Variants in LVRN observed in about 807,000 individuals in gnomAD.
LVRN encodes laeverin, also known as aminopeptidase Q.
LVRN carries 99 observed loss-of-function variants against 111.4 expected under a neutral mutation model. The ratio of observed to expected loss-of-function variants is 0.89; its 90% confidence interval spans 0.76 to 1.05. The LOEUF (loss-of-function observed/expected upper bound fraction) is 1.05. Among genes scored for constraint, LVRN ranks in the 50% least tolerant of loss-of-function variants. LVRN has a pLI of 0.00. For missense variants in LVRN, 1,414 were observed against 1,206.8 expected, an observed-to-expected ratio of 1.17 and a Z score of -2.54; for synonymous variants, 488 against 449.5, an observed-to-expected ratio of 1.09 and a Z score of -1.08.
Position 116,015,405 on chromosome 5 carries a change from A to C in LVRN, c.2604A>C (p.Pro868=), listed in dbSNP as rs944104516. 2.5e-6 allele frequency: 4 copies of C among 1,597,020 alleles called. No individual in the cohort carries two copies. The African/African-American group carries it at 5.4e-5, about 22-fold the overall frequency. ...ATGCAATGAGCTGCAGCAAAGACCC[A>C]TGGATACTTAACAGGTGATTATGGT... ...LAYAMSCSKD[P]WILNRYMEYA... The change falls in exon 17 of 20, where the codon CCA becomes CCC. Residue 868 remains proline, a synonymous_variant. Transcript: ENST00000357872.
intron 6 of LVRN, among the ~76,000 whole-genome samples, chr5:115,997,019 A>G (rs948832802): frequency 6.6e-6 from 1 of 152,204 alleles, no homozygotes; most frequent in Non-Finnish European, 1.5e-5. Flanking sequence ...TATCTCATTC[A>G]ATCCTCAGGG....
intron 13 of LVRN, among the ~76,000 whole-genome samples, chr5:116,006,344 T>C (rs1748373916): frequency 6.6e-6 from 1 of 152,192 alleles, no homozygotes; most frequent in Non-Finnish European, 1.5e-5. Context: ...TTTCAGGCAA[T>C]AAAATTAAGG....
intron 1 of LVRN, among the ~76,000 whole-genome samples, chr5:115,964,837 G>C (rs1189437759): frequency 6.6e-6 from 1 of 152,200 alleles, no homozygotes; most frequent in Non-Finnish European, 1.5e-5. Flanking sequence ...CATAAACCAA[G>C]GTAGAGCTCC....
chr5:116,017,368 T>G (rs1748623995), intron 18 of LVRN, among the ~76,000 whole-genome samples: 1 of 152,224 alleles, frequency 6.6e-6, no homozygotes, highest in Non-Finnish European at 1.5e-5. Flanking sequence ...ACTGGTGTCG[T>G]ATGTGAAGCA....
intron 18 of LVRN, among the ~76,000 whole-genome samples, chr5:116,019,291 A>G (rs1748664821): frequency 2.0e-5 from 3 of 152,258 alleles, no homozygotes; most frequent in Admixed American, 2.0e-4. Flanking sequence ...GCTAGGGGAT[A>G]GGAATTTTGT....
chr5:116,023,809 C>G (rs1367142424), intron 19 of LVRN, among the ~76,000 whole-genome samples: 2 of 152,142 alleles, frequency 1.3e-5, no homozygotes, highest in Non-Finnish European at 2.9e-5. Context: ...AACTGGAACT[C>G]TTTTATCCTA....
At chr5:115,997,382 T>G (rs1218069220) in intron 6 of LVRN, among the ~76,000 whole-genome samples, 1 of 152,180 alleles carries the variant, frequency 6.6e-6, no homozygotes, top group Non-Finnish European at 1.5e-5. Flanking sequence ...GTAGATTTTA[T>G]GCTATGTGTG....
intron 1 of LVRN, among the ~76,000 whole-genome samples, chr5:115,978,963 A>T (rs1251464735): frequency 6.6e-6 from 1 of 151,842 alleles, no homozygotes; most frequent in Non-Finnish European, 1.5e-5. Flanking sequence ...CTTTTTTTCT[A>T]CAATTTCCTT....
At position 116,014,466 on chromosome 5, in the gene LVRN, G is replaced by C; in HGVS notation, c.2389G>C (p.Glu797Gln). Residue 797 changes from glutamate (E) to glutamine (Q), a missense_variant, in exon 16 of 20, where the codon GAA becomes CAA. Coordinates refer to ENST00000357872, the MANE Select transcript of LVRN (RefSeq NM_173800.5). ...TGTAACTGCGTGTTGGTTGGGCCTT[G>C]AAGACTGCCTTCAGCTGTCAAAAGA... ...LFVTACWLGL[E>Q]DCLQLSKELF... is the part of the protein sequence containing the mutation. 1 of 1,613,582 alleles carries C rather than the reference G, an allele frequency of 6.2e-7. No individual in the cohort carries two copies. Among genetic ancestry groups the C allele is most frequent in the African/African-American group, 1.3e-5 (1 of 74,984 alleles).
At chr5:116,003,729 C>G (rs1452480470) in intron 12 of LVRN, among the ~76,000 whole-genome samples, 6 of 151,984 alleles carry the variant, frequency 3.9e-5, no homozygotes, top group Non-Finnish European at 8.8e-5. Context: ...CTACAGGCGC[C>G]TGCCACCACG....
At position 115,984,621 on chromosome 5, in the gene LVRN, T is replaced by C. The variant is rs760010960; in HGVS notation, c.890T>C (p.Phe297Ser). 1 of 1,613,676 alleles carries C rather than the reference T, an allele frequency of 6.2e-7. No individual in the cohort carries two copies. The highest frequency in any genetic ancestry group is 1.1e-5 in the South Asian group (1 of 91,064). Residue 297 changes from phenylalanine (F) to serine (S), a missense_variant, in exon 3 of 20, where the codon TTT (phenylalanine) becomes TCT (serine). Coordinates refer to ENST00000357872, the MANE Select transcript of LVRN (RefSeq NM_173800.5). ...VNGSKWTVTT[F>S]STTPHMPTYL... Reference sequence around the variant, plus strand: ...GGAAGCAAATGGACTGTTACAACCTTTTCCACTACGCCCCACATGCCAACT... The same window carrying C: ...GGAAGCAAATGGACTGTTACAACCTCTTCCACTACGCCCCACATGCCAACT...
In LVRN at chr5:116,022,444, C is replaced by G. The variant is rs376252152; in HGVS notation, c.2810C>G (p.Thr937Ser). The G allele has an allele frequency of 6.3e-5, 98 of 1,557,994 alleles. No individual in the cohort carries two copies. The highest frequency in any genetic ancestry group is 8.4e-5 in the Non-Finnish European group (96 of 1,144,330). ...ATATATACAATAGGGAGAACCGTAA[C>G]TACAGATTTACAGATTGTGGAGGTA... ...NLIYTIGRTV[T>S]TDLQIVELQQ... Residue 937 changes from threonine (T) to serine (S), a missense_variant, in exon 19 of 20, where the codon ACT (threonine) becomes AGT (serine). Thr to Ser is a moderately conservative substitution (Grantham distance 58). Coordinates refer to ENST00000357872, the MANE Select transcript of LVRN (RefSeq NM_173800.5).
chr5:115,976,796 A>G (rs147775776), intron 1 of LVRN, among the ~76,000 whole-genome samples: 1 of 152,002 alleles, frequency 6.6e-6, no homozygotes, highest in East Asian at 1.9e-4. Context: ...TGGATGCTGG[A>G]TTTGGTTATA....
chr5:116,011,665 A>G (rs1748491774), intron 14 of LVRN, among the ~76,000 whole-genome samples: 1 of 152,160 alleles, frequency 6.6e-6, no homozygotes, highest in African/African-American at 2.4e-5. Context: ...CCGAAGTACC[A>G]ATGGGAATTA....
intron 5 of LVRN, among the ~76,000 whole-genome samples, chr5:115,992,674 G>A (rs947537343): frequency 6.6e-6 from 1 of 152,204 alleles, no homozygotes; most frequent in Non-Finnish European, 1.5e-5. Context: ...ATTTCTAGTT[G>A]TTGTTGCTGT....
At chr5:116,015,964 T>C (rs1254808425) in intron 18 of LVRN, among the ~76,000 whole-genome samples, 199 bp downstream of exon 18, 1 of 152,216 alleles carries the variant, frequency 6.6e-6, no homozygotes, top group Non-Finnish European at 1.5e-5. Flanking sequence ...ATACATGAAC[T>C]TTTAACTATG....
intron 4 of LVRN, among the ~76,000 whole-genome samples, chr5:115,990,500 T>C (rs1747962332): frequency 6.6e-6 from 1 of 152,226 alleles, no homozygotes; most frequent in Non-Finnish European, 1.5e-5. Flanking sequence ...ATGCTTTAAA[T>C]ATTTTTCCCT....
At chr5:116,017,337 A>T (rs950595811) in intron 18 of LVRN, among the ~76,000 whole-genome samples, 1 of 152,198 alleles carries the variant, frequency 6.6e-6, no homozygotes, top group Admixed American at 6.5e-5. Context: ...TGTGCTCTTC[A>T]TTGGTGATGT....
At chr5:115,979,770 G>A (rs942039814) in intron 1 of LVRN, among the ~76,000 whole-genome samples, 3 of 152,094 alleles carry the variant, frequency 2.0e-5, no homozygotes, top group South Asian at 4.1e-4. Context: ...GTGTTATTGT[G>A]TAAAAAAACT....
Sources: allele counts gnomAD v4.1 joint callset (sites outside exome capture counted in the v4.1 genomes callset), GRCh38; gene constraint gnomAD v4.1.1; transcripts MANE v1.5; gene names NCBI Gene and HGNC (gene_info 2026-07-23, HGNC 2026-07-21).